Variants in FSTL5 observed in about 807,000 individuals in gnomAD.
The protein encoded by FSTL5 is follistatin like 5.
A neutral mutation model predicts 89.1 loss-of-function variants in FSTL5; 62 were observed. The ratio of observed to expected loss-of-function variants is 0.70; its 90% CI spans 0.57 to 0.86. The LOEUF is 0.86. FSTL5 is among the 40% of genes least tolerant of loss of function. The pLI, the probability that FSTL5 is intolerant of heterozygous loss-of-function variation, is 0.00. For synonymous variants in FSTL5, 383 were observed against 346.2 expected (o/e 1.11, Z -1.18); for missense variants, 1,057 against 1,001.6 (o/e 1.06, Z -0.75).
intron 10 of FSTL5, among the ~76,000 whole-genome samples, chr4:161,532,970 G>A (rs72988994): frequency 0.056 from 8,572 of 151,992 alleles, 780 homozygotes; most frequent in African/African-American, 0.19. Context: ...ACTTGCTTCT[G>A]AACAACTCTT....
intron 15 of FSTL5, among the ~76,000 whole-genome samples, chr4:161,420,915 T>C (rs2126311924): frequency 6.6e-6 from 1 of 151,570 alleles, no homozygotes; most frequent in South Asian, 2.1e-4. Context: ...ATATATGGTA[T>C]TGGTTCTGTT....
intron 3 of FSTL5, among the ~76,000 whole-genome samples, chr4:161,971,050 C>A (rs1398388672): frequency 7.6e-6 from 1 of 130,792 alleles, no homozygotes; most frequent in Admixed American, 7.6e-5. Context: ...TATTAGGAAA[C>A]AATAATGATT....
At position 161,598,644 on chromosome 4, in the gene FSTL5, T is replaced by C. The variant is rs1283842471; in HGVS notation, c.895-11069A>G. On this transcript the variant is annotated intron_variant, in intron 7 of 15. Transcript: ENST00000306100. ...TTCTTTCTCTGTCCCAAGAAATAGA[T>C]AAATGACAAGTATATATACGATACC... Among the ~76,000 whole-genome samples, 5 of 152,184 alleles carry C rather than the reference T, an allele frequency of 3.3e-5. No homozygotes were observed. In the East Asian group the frequency reaches 9.7e-4, roughly 29 times the overall value.
At chr4:161,701,418 A>G (rs1442829977) in intron 6 of FSTL5, among the ~76,000 whole-genome samples, 1 of 152,168 alleles carries the variant, frequency 6.6e-6, no homozygotes, top group African/African-American at 2.4e-5. Flanking sequence ...AATAGTAGAT[A>G]TAGGTTAAAA....
At chr4:161,779,396 A>C (rs992376675) in intron 4 of FSTL5, among the ~76,000 whole-genome samples, 2 of 152,108 alleles carry the variant, frequency 1.3e-5, no homozygotes, top group African/African-American at 4.8e-5. Context: ...TTAGTTATAA[A>C]TATGTGTATG....
At chr4:161,889,265 A>G (rs988888038) in intron 4 of FSTL5, among the ~76,000 whole-genome samples, 3 of 152,160 alleles carry the variant, frequency 2.0e-5, no homozygotes, top group Non-Finnish European at 1.5e-5. Context: ...TTTTATTATA[A>G]TACTATGGAA....
intron 4 of FSTL5, among the ~76,000 whole-genome samples, chr4:161,914,379 A>G (rs761002962): frequency 6.6e-6 from 1 of 152,168 alleles, no homozygotes; most frequent in South Asian, 2.1e-4. Flanking sequence ...TATATATATC[A>G]CAGGGGAAAA....
chr4:161,838,331 C>T (rs1305323231), intron 4 of FSTL5, among the ~76,000 whole-genome samples: 4 of 152,098 alleles, frequency 2.6e-5, no homozygotes, highest in Admixed American at 1.3e-4. Flanking sequence ...CAGACTGGAG[C>T]GCAGAGGCGT....
chr4:161,666,005 T>G (rs1404184229), intron 6 of FSTL5, among the ~76,000 whole-genome samples: 2 of 152,146 alleles, frequency 1.3e-5, no homozygotes, highest in Admixed American at 6.5e-5. Flanking sequence ...AGAAAGATTT[T>G]GTTAACAAGA....
rs7683459 is a variant in FSTL5 at position 162,031,852 on chromosome 4, C to T, written c.160+1773G>A. 9.2e-3 allele frequency among the ~76,000 whole-genome samples: 1,404 copies of T among 152,122 alleles called. 27 individuals are homozygous for T. Among genetic ancestry groups the T allele is most frequent in the African/African-American group, 0.032 (1,314 of 41,514 alleles). ...ACTTGGGAGGTTGAAGCAGGAGAATCGCTTGAACCCAGGAGGCAGAGGTTG... is the reference window on the plus strand; with the variant it reads ...ACTTGGGAGGTTGAAGCAGGAGAATTGCTTGAACCCAGGAGGCAGAGGTTG... On this transcript the variant is annotated intron_variant, in intron 3 of 15. Coordinates refer to ENST00000306100, the MANE Select transcript of FSTL5 (RefSeq NM_020116.5).
chr4:161,901,807 C>A (rs1014530638), intron 4 of FSTL5, among the ~76,000 whole-genome samples: 3 of 151,954 alleles, frequency 2.0e-5, no homozygotes, highest in African/African-American at 4.8e-5. Flanking sequence ...TGGTGGGGTG[C>A]GCCTGTAGTC....
At chr4:161,399,008 A>G (rs962933159) in intron 15 of FSTL5, among the ~76,000 whole-genome samples, 2 of 152,152 alleles carry the variant, frequency 1.3e-5, no homozygotes, top group Non-Finnish European at 2.9e-5. Flanking sequence ...ATGTTTATAA[A>G]ACACTAATTT....
chr4:161,673,040 G>C (rs995655174), intron 6 of FSTL5, among the ~76,000 whole-genome samples: 12 of 152,054 alleles, frequency 7.9e-5, no homozygotes, highest in Admixed American at 6.6e-4. Flanking sequence ...GAGAACTCAG[G>C]TTTTGGGCAA....
chr4:161,565,758 C>CACAT (rs1732775771), intron 8 of FSTL5, among the ~76,000 whole-genome samples: 1 of 150,322 alleles, frequency 6.7e-6, no homozygotes, highest in Non-Finnish European at 1.5e-5. Context: ...CACACACACA[C>CACAT]ACACACACAC....
At position 161,778,840 on chromosome 4, in the gene FSTL5, A is replaced by G. The variant is rs1741516120; in HGVS notation, c.410-2766T>C. Among the ~76,000 whole-genome samples, 3 of 152,366 alleles carry G rather than the reference A, an allele frequency of 2.0e-5. No individual in the cohort carries two copies. In the South Asian group the frequency reaches 6.2e-4, roughly 32 times the overall value. On this transcript the variant is annotated intron_variant, in intron 4 of 15. Coordinates refer to ENST00000306100, the MANE Select transcript of FSTL5 (RefSeq NM_020116.5). ...ACCTTCAAATAGCAAACATGTATTTATCTGAGTGCACAGGTGTGCATCAGG... is the reference window on the plus strand; with the variant it reads ...ACCTTCAAATAGCAAACATGTATTTGTCTGAGTGCACAGGTGTGCATCAGG...
intron 13 of FSTL5, among the ~76,000 whole-genome samples, chr4:161,459,902 C>G (rs1213370665): frequency 6.6e-6 from 1 of 151,506 alleles, no homozygotes; most frequent in South Asian, 2.1e-4. Flanking sequence ...TTTTTTTATG[C>G]ACCATGCTTG....
At chr4:161,955,075 T>C (rs944385734) in intron 3 of FSTL5, among the ~76,000 whole-genome samples, 1 of 151,622 alleles carries the variant, frequency 6.6e-6, no homozygotes, top group African/African-American at 2.4e-5. Flanking sequence ...ATAAGACTTT[T>C]GTGCCATGTT....
At chr4:161,611,200 ATATATATG>A (rs1440299437) in intron 7 of FSTL5, among the ~76,000 whole-genome samples, 7 of 142,758 alleles carry the variant, frequency 4.9e-5, no homozygotes, top group Non-Finnish European at 1.1e-4. Context: ...GTATATGTGT[ATATATATG>A]TGTATATGTG....
chr4:161,664,869 T>G, intron 6 of FSTL5: 1 of 186,658 alleles, frequency 5.4e-6, no homozygotes, highest in Non-Finnish European at 1.1e-5. Context: ...GAAAGGCAGT[T>G]CTTACATGGC....
Sources: gnomAD v4.1 joint callset for allele counts (sites outside exome capture counted in the v4.1 genomes callset) on GRCh38, gnomAD v4.1.1 for gene constraint, MANE v1.5 for transcripts, NCBI Gene and HGNC (gene_info 2026-07-23, HGNC 2026-07-21) for gene names.